Variants in GABRA3 observed in about 807,000 individuals in gnomAD.
The protein encoded by GABRA3 is gamma-aminobutyric acid type A receptor subunit alpha3.
A neutral mutation model predicts 30.1 loss-of-function variants in GABRA3; 10 were observed. The observed-to-expected ratio is 0.33, with a 90% CI of 0.20 to 0.56. GABRA3 has a LOEUF of 0.56. Among genes scored for constraint, GABRA3 ranks in the 20% least tolerant of loss-of-function variants. The pLI, the probability that GABRA3 is intolerant of heterozygous loss-of-function variation, is 0.89. For synonymous variants in GABRA3, 151 were observed against 146.8 expected, an observed-to-expected ratio of 1.03 and a Z score of -0.21; for missense variants, 233 against 392.0, an observed-to-expected ratio of 0.59 and a Z score of 3.42.
chrX:152,349,170 T>A (rs1373980198), intron 2 of GABRA3, among the ~76,000 whole-genome samples: 1 of 111,399 alleles, frequency 9.0e-6, no homozygotes, highest in Non-Finnish European at 1.9e-5. Flanking sequence ...ACAGCATCTT[T>A]ACTAGGAGTA....
intron 9 of GABRA3, among the ~76,000 whole-genome samples, chrX:152,177,621 C>A (rs1326471959): frequency 9.1e-6 from 1 of 109,808 alleles, no homozygotes; most frequent in African/African-American, 3.3e-5. Flanking sequence ...AATATACAGG[C>A]AGTTAGATTG....
At chrX:152,186,594 CCTTT>C (rs969440754) in intron 9 of GABRA3, among the ~76,000 whole-genome samples, 5 of 107,537 alleles carry the variant, frequency 4.6e-5, no homozygotes, top group African/African-American at 1.0e-4. Context: ...TTCCTTCCTT[CCTTT>C]ATCTCTCTCT....
chrX:152,409,218 G>A (rs1234770960), intron 1 of GABRA3, among the ~76,000 whole-genome samples: 5 of 110,792 alleles, frequency 4.5e-5, no homozygotes, highest in East Asian at 5.7e-4. Context: ...AATTATCCAG[G>A]CATGGTGGTA....
At chrX:152,330,036 A>T (rs948517008) in intron 3 of GABRA3, among the ~76,000 whole-genome samples, 1 of 112,128 alleles carries the variant, frequency 8.9e-6, no homozygotes, top group South Asian at 3.7e-4. Context: ...AAAGTGGGCA[A>T]AGGATATGAA....
chrX:152,233,639 G>A (rs1403073300), intron 5 of GABRA3, among the ~76,000 whole-genome samples: 4 of 108,717 alleles, frequency 3.7e-5, no homozygotes, highest in African/African-American at 1.0e-4. Flanking sequence ...TCGGTGTGGC[G>A]ATTCCTCAGG....
intron 4 of GABRA3, among the ~76,000 whole-genome samples, chrX:152,280,981 C>T (rs760678900): frequency 1.8e-4 from 20 of 111,106 alleles, no homozygotes; most frequent in African/African-American, 6.5e-4. Context: ...TACCATGGGA[C>T]CCTGGGTTCC....
At chrX:152,404,069 G>A (rs2124524564) in intron 1 of GABRA3, among the ~76,000 whole-genome samples, 1 of 111,133 alleles carries the variant, frequency 9.0e-6, no homozygotes, top group African/African-American at 3.3e-5. Flanking sequence ...AGTGTCCCTG[G>A]TAAACCCCCA....
intron 1 of GABRA3, among the ~76,000 whole-genome samples, chrX:152,449,189 T>C (rs1047236964): frequency 8.9e-6 from 1 of 112,097 alleles, no homozygotes; most frequent in African/African-American, 3.2e-5. Flanking sequence ...CCAACGAATA[T>C]AAGTTACTGG....
intron 3 of GABRA3, among the ~76,000 whole-genome samples, chrX:152,332,064 C>T (rs1314537750): frequency 1.8e-5 from 2 of 111,741 alleles, no homozygotes; most frequent in Non-Finnish European, 3.8e-5. Flanking sequence ...TATTTAACTT[C>T]CTTTTAGCTA....
chrX:152,445,060 C>CA (rs1204814043), intron 1 of GABRA3, among the ~76,000 whole-genome samples: 3,369 of 18,581 alleles, frequency 0.18, 599 homozygotes, highest in Non-Finnish European at 0.21. Context: ...GACTCCGTCT[C>CA]AAAAAAAAAA....
intron 1 of GABRA3, among the ~76,000 whole-genome samples, chrX:152,396,557 C>G (rs1929667229): frequency 8.9e-6 from 1 of 112,063 alleles, no homozygotes; most frequent in Non-Finnish European, 1.9e-5. Flanking sequence ...TATGAACTGA[C>G]AGCCATAGTA....
chrX:152,286,344 G>A, intron 3 of GABRA3, among the ~76,000 whole-genome samples: 1 of 109,259 alleles, frequency 9.2e-6, no homozygotes, highest in Non-Finnish European at 1.9e-5. Flanking sequence ...AGCTAAGGCA[G>A]GCTATCCCAG....
At chrX:152,428,762 T>G (rs2124543505) in intron 1 of GABRA3, among the ~76,000 whole-genome samples, 1 of 111,798 alleles carries the variant, frequency 8.9e-6, no homozygotes, top group South Asian at 3.8e-4. Context: ...TTAATGCAGC[T>G]GGAATGCCAC....
intron 3 of GABRA3, among the ~76,000 whole-genome samples, chrX:152,302,656 G>A (rs184907893): frequency 1.8e-5 from 2 of 110,591 alleles, no homozygotes; most frequent in Admixed American, 1.9e-4. Flanking sequence ...CTGAGGCTTG[G>A]GGTACTATTG....
At chrX:152,295,243 A>G (rs1939505485) in intron 3 of GABRA3, among the ~76,000 whole-genome samples, 1 of 112,280 alleles carries the variant, frequency 8.9e-6, no homozygotes, top group Non-Finnish European at 1.9e-5. Context: ...TGTCAGATGG[A>G]CGTTTAAGTC....
At chrX:152,443,547 G>A (rs947413549) in intron 1 of GABRA3, among the ~76,000 whole-genome samples, 4 of 111,652 alleles carry the variant, frequency 3.6e-5, no homozygotes, top group East Asian at 2.8e-4. Context: ...GGTTCTAGCG[G>A]ATATAAGAGT....
intron 1 of GABRA3, among the ~76,000 whole-genome samples, chrX:152,394,229 T>C (rs941541533): frequency 5.3e-5 from 6 of 112,264 alleles, no homozygotes; most frequent in Non-Finnish European, 7.5e-5. Flanking sequence ...CAAGATCTCA[T>C]AGCTAGTAAG....
intron 3 of GABRA3, among the ~76,000 whole-genome samples, chrX:152,292,693 T>C (rs1295252598): frequency 2.7e-5 from 3 of 112,011 alleles, no homozygotes; most frequent in Non-Finnish European, 5.6e-5. Flanking sequence ...TTTAGTGCTA[T>C]ATAAATTTCC....
Position 152,224,778 on chromosome X carries a change from G to A in GABRA3, c.619C>T (p.Leu207=). The change falls in exon 6 of 10, where the codon CTG becomes TTG. Residue 207 remains leucine, a synonymous_variant. Coordinates refer to ENST00000370314, the MANE Select transcript of GABRA3 (RefSeq NM_000808.4). The part of the protein sequence containing the change: ...DFPMDVHACP[L]KFGSYAYTTA... ...AAATACATACAGCTTCCAAACTTCA[G>A]TGGGCAGGCATGCACATCCATGGGA... The A allele has an allele frequency of 8.4e-7, 1 of 1,191,409 alleles. No individual in the cohort carries two copies.
Sources: gnomAD v4.1 joint callset for allele counts (sites outside exome capture counted in the v4.1 genomes callset) on GRCh38, gnomAD v4.1.1 for gene constraint, MANE v1.5 for transcripts, NCBI Gene and HGNC (gene_info 2026-07-23, HGNC 2026-07-21) for gene names.